The following MED12L variants were observed in gnomAD, a reference collection of about 807,000 sequenced individuals.
The protein encoded by MED12L is mediator complex subunit 12L.
MED12L carries 60 observed loss-of-function variants against 281.3 expected under a neutral mutation model. That is an observed-to-expected ratio of 0.21 (90% CI 0.17 to 0.26). MED12L has a LOEUF of 0.26. Ranked by LOEUF, MED12L falls within the 10% of genes least tolerant of loss-of-function variation. The pLI is 1.00. For missense variants in MED12L, 2,146 were observed against 2,680.9 expected, an observed-to-expected ratio of 0.80 and a Z score of 4.41; for synonymous variants, 974 against 987.2, an observed-to-expected ratio of 0.99 and a Z score of 0.25.
intron 43 of MED12L, among the ~76,000 whole-genome samples, chr3:151,427,595 A>G (rs545479496): frequency 1.3e-5 from 2 of 152,372 alleles, no homozygotes; most frequent in African/African-American, 4.8e-5. Context: ...AATGTTGACT[A>G]TTTGTACACC....
chr3:151,402,973 A>G (rs1456800448), intron 39 of MED12L, among the ~76,000 whole-genome samples: 4 of 151,196 alleles, frequency 2.6e-5, no homozygotes, highest in African/African-American at 9.7e-5. Flanking sequence ...CTTTGACAAC[A>G]TAATGGTAAC....
chr3:151,310,456 G>A (rs936647676), intron 16 of MED12L, among the ~76,000 whole-genome samples: 16 of 152,114 alleles, frequency 1.1e-4, no homozygotes, highest in African/African-American at 3.4e-4. Context: ...CTACTCTTTG[G>A]GTGTTCAATA....
intron 43 of MED12L, among the ~76,000 whole-genome samples, chr3:151,424,483 G>A (rs147906012): frequency 0.02 from 2,980 of 152,176 alleles, 53 homozygotes; most frequent in Non-Finnish European, 0.027. Flanking sequence ...GCTGGGTGTG[G>A]TGGTGGGCGC....
chr3:151,240,248 G>GT (rs1052758541), intron 16 of MED12L, among the ~76,000 whole-genome samples: 2 of 152,186 alleles, frequency 1.3e-5, no homozygotes, highest in African/African-American at 4.8e-5. Context: ...ACGACGCCCA[G>GT]TTTTTTGTGG....
At chr3:151,252,146 C>T (rs1171033701) in intron 16 of MED12L, among the ~76,000 whole-genome samples, 1 of 152,102 alleles carries the variant, frequency 6.6e-6, no homozygotes, top group Non-Finnish European at 1.5e-5. Flanking sequence ...AACTCACCTT[C>T]CTGTGTTACC....
intron 16 of MED12L, among the ~76,000 whole-genome samples, chr3:151,219,308 C>G (rs77966988): frequency 0.022 from 3,290 of 152,324 alleles, 121 homozygotes; most frequent in East Asian, 0.18. Context: ...GCATTGCTCA[C>G]TCCAGAAATA....
intron 8 of MED12L, among the ~76,000 whole-genome samples, chr3:151,163,283 G>T (rs994381496): frequency 6.6e-6 from 1 of 152,062 alleles, no homozygotes; most frequent in Non-Finnish European, 1.5e-5. Flanking sequence ...GATCAAATTC[G>T]GCCCACAAGG....
intron 17 of MED12L, among the ~76,000 whole-genome samples, chr3:151,350,933 T>C (rs551202242): frequency 1.3e-5 from 2 of 152,352 alleles, no homozygotes; most frequent in South Asian, 4.1e-4. Context: ...TTTATTTCAT[T>C]AGGCAATCAA....
intron 5 of MED12L, among the ~76,000 whole-genome samples, chr3:151,153,718 A>G (rs1283801439): frequency 1.3e-5 from 2 of 151,002 alleles, no homozygotes; most frequent in African/African-American, 2.4e-5. Flanking sequence ...AAAGGCACCC[A>G]CTACCATGTC....
At chr3:151,159,403 G>C (rs1719705757) in intron 7 of MED12L, among the ~76,000 whole-genome samples, 1 of 152,152 alleles carries the variant, frequency 6.6e-6, no homozygotes, top group Non-Finnish European at 1.5e-5. Flanking sequence ...CCCTGAGATA[G>C]TCTGTACCTG....
chr3:151,388,739 C>T (rs1297263814), intron 37 of MED12L, among the ~76,000 whole-genome samples: 1 of 152,112 alleles, frequency 6.6e-6, no homozygotes, highest in Admixed American at 6.5e-5. Flanking sequence ...AATAGTTTTA[C>T]TTCTTGTTTC....
chr3:151,327,836 A>C (rs111263026), intron 16 of MED12L: 2 of 548,330 alleles, frequency 3.6e-6, no homozygotes, highest in Admixed American at 7.1e-5. Context: ...GAATAGATCT[A>C]TGTGGATTTA....
intron 16 of MED12L, among the ~76,000 whole-genome samples, chr3:151,199,658 T>G (rs1343346500): frequency 6.6e-6 from 1 of 151,794 alleles, no homozygotes; most frequent in East Asian, 1.9e-4. Context: ...CATGCAGGTT[T>G]GCTTTTGGTA....
At chr3:151,176,861 C>A (rs1722116733) in intron 11 of MED12L, among the ~76,000 whole-genome samples, 1 of 152,234 alleles carries the variant, frequency 6.6e-6, no homozygotes, top group Non-Finnish European at 1.5e-5. Context: ...TTAAGTGCAT[C>A]TGTAAACTTT....
At chr3:151,198,456 CTTTCTGA>C (rs774266981) in intron 16 of MED12L, 2 of 1,602,068 alleles carry the variant, frequency 1.2e-6, no homozygotes, top group South Asian at 2.2e-5. Context: ...CTTAATTTTT[CTTTCTGA>C]GCCTTGGTCT....
chr3:151,429,458 G>T (rs919140091), intron 43 of MED12L, among the ~76,000 whole-genome samples: 1 of 152,166 alleles, frequency 6.6e-6, no homozygotes, highest in Non-Finnish European at 1.5e-5. Flanking sequence ...GAGAGAAGAG[G>T]GTTGGAGGAG....
intron 16 of MED12L, among the ~76,000 whole-genome samples, chr3:151,228,550 G>A (rs1364350809): frequency 6.6e-6 from 1 of 152,180 alleles, no homozygotes; most frequent in Non-Finnish European, 1.5e-5. Context: ...AGTGCTCTGA[G>A]CTTCCTCCAG....
chr3:151,239,537 AT>A (rs1211645744), intron 16 of MED12L, among the ~76,000 whole-genome samples: 1 of 152,188 alleles, frequency 6.6e-6, no homozygotes, highest in Non-Finnish European at 1.5e-5. Flanking sequence ...GTTGACATAA[AT>A]TTTTTTGAAA....
At chr3:151,148,329 T>G (rs1286911947) in intron 5 of MED12L, among the ~76,000 whole-genome samples, 1 of 152,198 alleles carries the variant, frequency 6.6e-6, no homozygotes, top group Non-Finnish European at 1.5e-5. Context: ...GTGTCTTTGA[T>G]CAAAAAAGTA....
Sources: allele counts gnomAD v4.1 joint callset (sites outside exome capture counted in the v4.1 genomes callset), GRCh38; gene constraint gnomAD v4.1.1; transcripts MANE v1.5; gene names NCBI Gene and HGNC (gene_info 2026-07-23, HGNC 2026-07-21).